The following PLCB1 variants were observed in gnomAD, a reference collection of about 807,000 sequenced individuals.
The protein encoded by PLCB1 is phospholipase C beta 1.
In PLCB1, 46 loss-of-function variants were observed where a neutral mutation model predicts 161.8. The observed-to-expected ratio is 0.28, with a 90% confidence interval of 0.22 to 0.36. PLCB1 has a LOEUF of 0.36. Ranked by LOEUF, PLCB1 falls within the 10% of genes least tolerant of loss-of-function variation. The pLI is 1.00. For missense variants in PLCB1, 1,016 were observed against 1,472.5 expected (o/e 0.69, Z 5.07); for synonymous variants, 517 against 503.7 (o/e 1.03, Z -0.35).
intron 31 of PLCB1, among the ~76,000 whole-genome samples, chr20:8,834,602 G>C (rs150700499): frequency 1.3e-5 from 2 of 152,156 alleles, no homozygotes; most frequent in African/African-American, 4.8e-5. Flanking sequence ...ATCACTTGAA[G>C]TCAGGAGTTC....
intron 3 of PLCB1, among the ~76,000 whole-genome samples, chr20:8,486,196 A>C: frequency 6.6e-6 from 1 of 152,156 alleles, no homozygotes; most frequent in East Asian, 1.9e-4. Context: ...GGGAACTACA[A>C]TCTAGATGAG....
intron 3 of PLCB1, among the ~76,000 whole-genome samples, chr20:8,538,157 G>C (rs890089028): frequency 2.6e-5 from 4 of 152,078 alleles, no homozygotes; most frequent in African/African-American, 9.7e-5. Context: ...AGTTAATCTT[G>C]CTTGTGATTA....
chr20:8,337,969 A>T (rs1309142220), intron 2 of PLCB1, among the ~76,000 whole-genome samples: 1 of 152,140 alleles, frequency 6.6e-6, no homozygotes, highest in Admixed American at 6.6e-5. Flanking sequence ...GCACATTATG[A>T]CCATTGCTGG....
Position 8,246,758 on chromosome 20 carries a change from C to G in PLCB1, c.177+96387C>G, listed in dbSNP as rs142617385. Among the ~76,000 whole-genome samples, 1,272 of 151,740 alleles carry G rather than the reference C, an allele frequency of 8.4e-3. 14 individuals are homozygous for G. The highest frequency in any genetic ancestry group is 0.013 in the Non-Finnish European group (861 of 67,824). ...TGCATATGTGTTTCTGCTGAGAATACCTTGTACATAGTTTTTATCTTTTAA... is the reference window on the plus strand; with the variant it reads ...TGCATATGTGTTTCTGCTGAGAATAGCTTGTACATAGTTTTTATCTTTTAA... On this transcript the variant is annotated intron_variant, in intron 2 of 31. Transcript: ENST00000338037.
chr20:8,402,681 A>C (rs1411671974), intron 3 of PLCB1, among the ~76,000 whole-genome samples: 1 of 148,326 alleles, frequency 6.7e-6, no homozygotes, highest in Non-Finnish European at 1.5e-5. Context: ...AAAAATACAA[A>C]AAAAAAAAAA....
At chr20:8,617,878 T>G (rs533162384) in intron 3 of PLCB1, among the ~76,000 whole-genome samples, 1 of 152,174 alleles carries the variant, frequency 6.6e-6, no homozygotes, top group Non-Finnish European at 1.5e-5. Flanking sequence ...TATACTGCTA[T>G]TTTTTAAGTA....
chr20:8,559,548 TCAAGTCTATG>T (rs1311534557), intron 3 of PLCB1, among the ~76,000 whole-genome samples: 3 of 151,932 alleles, frequency 2.0e-5, no homozygotes, highest in Non-Finnish European at 4.4e-5. Flanking sequence ...ACAAGAAGAT[TCAAGTCTATG>T]CTGTTTACAA....
intron 3 of PLCB1, among the ~76,000 whole-genome samples, chr20:8,438,220 C>T (rs928414327): frequency 9.9e-5 from 15 of 152,100 alleles, no homozygotes; most frequent in African/African-American, 3.6e-4. Context: ...CAATGAATAT[C>T]CGTATATAAA....
At chr20:8,561,746 CT>C (rs1285748068) in intron 3 of PLCB1, among the ~76,000 whole-genome samples, 1 of 151,976 alleles carries the variant, frequency 6.6e-6, no homozygotes, top group African/African-American at 2.4e-5. Flanking sequence ...TAGAATAAGT[CT>C]TCTTTATACC....
intron 2 of PLCB1, among the ~76,000 whole-genome samples, chr20:8,348,144 C>G (rs1317148417): frequency 6.6e-6 from 1 of 152,066 alleles, no homozygotes; most frequent in Non-Finnish European, 1.5e-5. Flanking sequence ...ACAAAGATGA[C>G]CCTCTGGAAA....
intron 12 of PLCB1, among the ~76,000 whole-genome samples, chr20:8,714,484 C>G (rs890204208): frequency 6.6e-6 from 1 of 152,166 alleles, no homozygotes; most frequent in African/African-American, 2.4e-5. Context: ...GGGGCTGGCC[C>G]TACCAAATCA....
chr20:8,661,974 ATAATTATATATAATTATATAAT>A (rs1428323738), intron 9 of PLCB1, among the ~76,000 whole-genome samples: 2 of 124,700 alleles, frequency 1.6e-5, no homozygotes, highest in African/African-American at 6.2e-5. Flanking sequence ...TATTTATTAT[ATAATTATATATAATTATATAAT>A]TATTTATTAT....
intron 2 of PLCB1, among the ~76,000 whole-genome samples, chr20:8,257,084 C>G (rs1482136805): frequency 6.6e-6 from 1 of 152,126 alleles, no homozygotes; most frequent in Non-Finnish European, 1.5e-5. Flanking sequence ...TGTGTTCTGT[C>G]TCCAGAGATA....
chr20:8,444,668 A>G (rs1442695930), intron 3 of PLCB1, among the ~76,000 whole-genome samples: 1 of 152,128 alleles, frequency 6.6e-6, no homozygotes, highest in African/African-American at 2.4e-5. Flanking sequence ...CCCACCAACA[A>G]TGTAAAAGTG....
chr20:8,593,707 G>C (rs1004758898), intron 3 of PLCB1, among the ~76,000 whole-genome samples: 4 of 151,652 alleles, frequency 2.6e-5, no homozygotes, highest in Non-Finnish European at 5.9e-5. Context: ...AACAGTGATA[G>C]TAATTTTGCA....
chr20:8,357,597 C>T (rs1387949903), intron 2 of PLCB1, among the ~76,000 whole-genome samples: 2 of 151,778 alleles, frequency 1.3e-5, no homozygotes, highest in Non-Finnish European at 2.9e-5. Flanking sequence ...GAGGAGGATC[C>T]CTTGAGCCCA....
chr20:8,368,551 GAAA>G (rs1411245378), intron 2 of PLCB1, among the ~76,000 whole-genome samples: 1 of 128,184 alleles, frequency 7.8e-6, no homozygotes, highest in African/African-American at 3.0e-5. Flanking sequence ...AAAAAAAAAA[GAAA>G]AAGAAAAAAT....
intron 2 of PLCB1, among the ~76,000 whole-genome samples, chr20:8,255,275 G>A (rs1292387522): frequency 6.6e-6 from 1 of 152,024 alleles, no homozygotes; most frequent in Non-Finnish European, 1.5e-5. Context: ...ATCAGAGGTA[G>A]TAAGGATAAA....
At chr20:8,153,624 C>A (rs2051530838) in intron 2 of PLCB1, among the ~76,000 whole-genome samples, 1 of 152,104 alleles carries the variant, frequency 6.6e-6, no homozygotes, top group African/African-American at 2.4e-5. Flanking sequence ...AAAGAGCTAA[C>A]CAAAACCTAT....
Sources: gnomAD v4.1 joint callset for allele counts (sites outside exome capture counted in the v4.1 genomes callset) on GRCh38, gnomAD v4.1.1 for gene constraint, MANE v1.5 for transcripts, NCBI Gene and HGNC (gene_info 2026-07-23, HGNC 2026-07-21) for gene names.